The following EYS variants were observed in gnomAD, a reference collection of about 807,000 sequenced individuals.
EYS encodes EGF-like photoreceptor maintenance factor.
EYS carries 250 observed loss-of-function variants against 282.1 expected under a neutral mutation model. The ratio of observed to expected loss-of-function variants is 0.89; its 90% CI spans 0.80 to 0.98. EYS has a LOEUF of 0.98. EYS is among the 50% of genes least tolerant of loss of function. The pLI, the probability that EYS is intolerant of heterozygous loss-of-function variation, is 0.00. For missense variants in EYS, 4,016 were observed against 3,709.0 expected (o/e 1.08, Z -2.15); for synonymous variants, 1,355 against 1,282.9 (o/e 1.06, Z -1.20).
At chr6:65,062,300 C>T (rs1002205509) in intron 12 of EYS, among the ~76,000 whole-genome samples, 5 of 151,922 alleles carry the variant, frequency 3.3e-5, no homozygotes, top group Non-Finnish European at 7.4e-5. Flanking sequence ...AAGAGTTATT[C>T]TTTATTGTTC....
chr6:63,892,482 G>T (rs543067925), intron 35 of EYS, among the ~76,000 whole-genome samples: 1 of 152,144 alleles, frequency 6.6e-6, no homozygotes, highest in South Asian at 2.1e-4. Context: ...AATGGGGAAA[G>T]GATTCCTTAT....
At chr6:64,425,657 GAAAAA>G (rs34577912) in intron 28 of EYS, among the ~76,000 whole-genome samples, 3 of 67,812 alleles carry the variant, frequency 4.4e-5, no homozygotes, top group African/African-American at 1.1e-4. Context: ...TCCATCCCAG[GAAAAA>G]AAAAAAAAAA....
intron 36 of EYS, among the ~76,000 whole-genome samples, chr6:63,832,244 C>G (rs1562048764): frequency 6.6e-6 from 1 of 151,974 alleles, no homozygotes; most frequent in South Asian, 2.1e-4. Flanking sequence ...GATAGAGACA[C>G]AAAAAACCCT....
intron 16 of EYS, among the ~76,000 whole-genome samples, chr6:64,910,108 A>G (rs1767948043): frequency 6.6e-6 from 1 of 152,164 alleles, no homozygotes; most frequent in African/African-American, 2.4e-5. Context: ...GTCAATTGAC[A>G]AACACCAACA....
intron 12 of EYS, among the ~76,000 whole-genome samples, chr6:65,173,541 G>T (rs564026755): frequency 6.6e-6 from 1 of 151,068 alleles, no homozygotes; most frequent in Non-Finnish European, 1.5e-5. Flanking sequence ...AACTTTACAT[G>T]AAAACCTATT....
Position 64,304,437 on chromosome 6 carries a change from C to A in EYS, c.6191+2533G>T, listed in dbSNP as rs183853177. 1.2e-3 allele frequency among the ~76,000 whole-genome samples: 190 copies of A among 152,240 alleles called. 1 individual carries two copies. Among genetic ancestry groups the A allele is most frequent in the African/African-American group, 4.3e-3 (178 of 41,540 alleles). On this transcript the variant is annotated intron_variant, in intron 30 of 42. Coordinates refer to ENST00000503581, the MANE Select transcript of EYS (RefSeq NM_001142800.2). ...ACTTAACACAACAAACCAACTAGAT[C>A]TAACAGACATACACAGAACATACTA...
intron 13 of EYS, among the ~76,000 whole-genome samples, chr6:65,001,378 C>T (rs1771462749): frequency 1.4e-5 from 2 of 147,090 alleles, no homozygotes; most frequent in South Asian, 4.4e-4. Context: ...CGCACAGTGG[C>T]CAAACTCCTC....
intron 36 of EYS, among the ~76,000 whole-genome samples, chr6:63,810,989 T>C (rs965952342): frequency 6.6e-6 from 1 of 152,240 alleles, no homozygotes; most frequent in Non-Finnish European, 1.5e-5. Context: ...CTGACAAGGC[T>C]GACTCTGCCC....
At chr6:63,879,783 G>C (rs527535699) in intron 35 of EYS, among the ~76,000 whole-genome samples, 1 of 152,228 alleles carries the variant, frequency 6.6e-6, no homozygotes, top group African/African-American at 2.4e-5. Flanking sequence ...TGTTGATGAT[G>C]ATGATGATGA....
At chr6:64,987,605 G>A (rs1362430289) in intron 14 of EYS, among the ~76,000 whole-genome samples, 2 of 151,438 alleles carry the variant, frequency 1.3e-5, no homozygotes, top group Non-Finnish European at 1.5e-5. Context: ...GCATATGTAG[G>A]ACAGAAAGGG....
At position 64,454,454 on chromosome 6, in the gene EYS, T is replaced by C. The variant is rs553166119; in HGVS notation, c.5645-15102A>G. Among the ~76,000 whole-genome samples the C allele has an allele frequency of 2.4e-4, 36 of 152,160 alleles. 1 individual carries two copies. Among genetic ancestry groups the C allele is most frequent in the Non-Finnish European group, 2.9e-4 (20 of 68,036 alleles). ...AAAAGTCATTAGAAATTAATGTGAA[T>C]TCCATTGATTTTACTGAAAATGTAT... On this transcript the variant is annotated intron_variant, in intron 26 of 42. Coordinates refer to ENST00000503581, the MANE Select transcript of EYS (RefSeq NM_001142800.2).
chr6:64,295,700 G>C (rs916582026), intron 30 of EYS, among the ~76,000 whole-genome samples: 1 of 135,770 alleles, frequency 7.4e-6, no homozygotes, highest in African/African-American at 2.8e-5. Flanking sequence ...CTGCACTCCA[G>C]CCTGGCTGAC....
chr6:63,842,674 T>G (rs1771992388), intron 36 of EYS, among the ~76,000 whole-genome samples: 1 of 152,206 alleles, frequency 6.6e-6, no homozygotes, highest in South Asian at 2.1e-4. Context: ...AGTCATGAAG[T>G]CTTTGCCCAT....
intron 7 of EYS, among the ~76,000 whole-genome samples, chr6:65,389,459 T>A (rs892985039): frequency 2.0e-5 from 3 of 152,132 alleles, no homozygotes; most frequent in Non-Finnish European, 4.4e-5. Context: ...AAATATTAGC[T>A]TTTTTGATGA....
intron 14 of EYS, among the ~76,000 whole-genome samples, chr6:64,946,944 GAGATCTCT>G: frequency 6.6e-6 from 1 of 151,836 alleles, no homozygotes; most frequent in Admixed American, 6.6e-5. Flanking sequence ...AACACAAACA[GAGATCTCT>G]TTTAATTTCT....
At chr6:64,470,388 G>A (rs867816000) in intron 26 of EYS, among the ~76,000 whole-genome samples, 4 of 152,088 alleles carry the variant, frequency 2.6e-5, no homozygotes, top group South Asian at 2.1e-4. Flanking sequence ...TAATCTGAAT[G>A]AGAAATTAAA....
chr6:64,686,827 A>ATATATATGTGTG (rs1554193106), intron 22 of EYS, among the ~76,000 whole-genome samples: 1 of 40,862 alleles, frequency 2.4e-5, no homozygotes, highest in East Asian at 3.6e-4. Flanking sequence ...ATATGTGTAT[A>ATATATATGTGTG]TATATATATA....
intron 11 of EYS, among the ~76,000 whole-genome samples, chr6:65,305,797 A>AT (rs1412645863): frequency 1.3e-5 from 2 of 152,046 alleles, no homozygotes; most frequent in Admixed American, 6.6e-5. Flanking sequence ...AATATGGTTA[A>AT]TTTTTTATTT....
intron 33 of EYS, among the ~76,000 whole-genome samples, chr6:64,005,200 T>G (rs867706806): frequency 6.6e-6 from 1 of 152,220 alleles, no homozygotes; most frequent in South Asian, 2.1e-4. Context: ...TTGATTTGCA[T>G]TTCTATAATA....
Sources: allele counts gnomAD v4.1 joint callset (sites outside exome capture counted in the v4.1 genomes callset), GRCh38; gene constraint gnomAD v4.1.1; transcripts MANE v1.5; gene names NCBI Gene and HGNC (gene_info 2026-07-23, HGNC 2026-07-21).